Variants in HJURP observed in about 807,000 individuals in gnomAD.
HJURP encodes 14-3-3-associated AKT substrate.
Under a neutral mutation model 72.0 loss-of-function variants are expected in HJURP, and 49 were observed. The observed-to-expected ratio is 0.68, with a 90% CI of 0.54 to 0.86. HJURP has a LOEUF of 0.86. Among genes scored for constraint, HJURP ranks in the 40% least tolerant of loss-of-function variants. HJURP has a pLI of 0.00. For missense variants in HJURP, 908 were observed against 936.3 expected, an observed-to-expected ratio of 0.97 and a Z score of 0.39; for synonymous variants, 357 against 347.1, an observed-to-expected ratio of 1.03 and a Z score of -0.32.
rs983909239 is a variant in HJURP, at chr2:233,836,785, C to T, written c.*792G>A. 6.6e-6 allele frequency: 1 copy of T among 152,106 alleles called. No homozygotes were observed. The highest frequency in any genetic ancestry group is 1.5e-5 in the Non-Finnish European group (1 of 68,034). The allele number at this position is 152,106 out of a possible 1,614,324, so 9.4% of individuals were successfully genotyped here. A position where few individuals can be genotyped will look rare whatever the true frequency, so the allele number is the denominator to read the frequency against. ...GAAATATTTCATTACAAAAACGTCA[C>T]CATGATATCCTGTCATCAACAGCTT... On this transcript the variant is annotated 3_prime_UTR_variant, in exon 9 of 9. Transcript: ENST00000411486.
rs1287108530 is a variant in HJURP at position 233,841,882 on chromosome 2, T to C, written c.898A>G (p.Arg300Gly). ...MQNWNSRRRH[R>G]YKSRMNKTYC... is the part of the protein sequence containing the mutation. ...GTTTTGTTCATCCTGCTCTTATATCTGTGCCTCCTCCTGGAGTTCCAGTTT... is the reference window on the plus strand; with the variant it reads ...GTTTTGTTCATCCTGCTCTTATATCCGTGCCTCCTCCTGGAGTTCCAGTTT... Residue 300 changes from arginine (R) to glycine (G), a missense_variant, in exon 8 of 9, where the codon AGA becomes GGA. This residue lies in a region of HJURP where 598 missense variants were observed against 619.5 expected (regional missense o/e 0.97). Transcript: ENST00000411486. 1.2e-6 allele frequency: 2 copies of C among 1,614,236 alleles called. No individual in the cohort carries two copies. Among genetic ancestry groups the C allele is most frequent in the Non-Finnish European group, 1.7e-6 (2 of 1,180,032 alleles).
intron 4 of HJURP, 51 bp downstream of exon 4, chr2:233,849,712 G>C: frequency 8.3e-7 from 1 of 1,199,800 alleles, no homozygotes. Context: ...TAACAGGTGC[G>C]TCAGACCTGG....
At chr2:233,851,333 C>T (rs1432145095) in intron 3 of HJURP, among the ~76,000 whole-genome samples, 1 of 152,172 alleles carries the variant, frequency 6.6e-6, no homozygotes, top group Non-Finnish European at 1.5e-5. Flanking sequence ...CTAACAGAGG[C>T]TTTATAAATA....
rs188766054 is a variant in HJURP, at chr2:233,853,024, A to G, written c.185-404T>C. 2.0e-5 allele frequency among the ~76,000 whole-genome samples: 3 copies of G among 152,356 alleles called. No homozygotes were observed. The East Asian group carries it at 5.8e-4, about 29-fold the overall frequency. ...TTTCTAAGGGCAATCTACATGTTAT[A>G]CAGAGACCAAAGGGTAGCAGACCTG... On this transcript the variant is annotated intron_variant, in intron 2 of 8. Coordinates refer to ENST00000411486, the MANE Select transcript of HJURP (RefSeq NM_018410.5).
intron 3 of HJURP, among the ~76,000 whole-genome samples, chr2:233,850,150 T>C (rs1705465439): frequency 6.6e-6 from 1 of 152,190 alleles, no homozygotes; most frequent in African/African-American, 2.4e-5. Flanking sequence ...CTCCTAACAG[T>C]GGCCCAGGGA....
At position 233,842,266 on chromosome 2, in the gene HJURP, C is replaced by G. The variant is rs1318810634; in HGVS notation, c.575-61G>C. 2.9e-6 allele frequency: 4 copies of G among 1,392,594 alleles called. No individual in the cohort carries two copies. In the African/African-American group the frequency reaches 5.8e-5, roughly 20 times the overall value. 86.3% of individuals were successfully genotyped at this position (1,392,594 alleles called of 1,614,324 possible). A position where few individuals can be genotyped will look rare whatever the true frequency, so the allele number is the denominator to read the frequency against. Reference sequence around the variant, plus strand: ...TACCATTCTAAACCATCCATGTGCACAGATGACAGAACTTAAGATTGGATC... The same window carrying G: ...TACCATTCTAAACCATCCATGTGCAGAGATGACAGAACTTAAGATTGGATC... On this transcript the variant is annotated intron_variant, in intron 7 of 8. Coordinates refer to ENST00000411486, the MANE Select transcript of HJURP (RefSeq NM_018410.5).
chr2:233,847,427 G>T lies in HJURP; in HGVS notation c.372C>A (p.Asp124Glu). The change falls in exon 5 of 9, where the codon GAC (aspartate) becomes GAA (glutamate). Residue 124 changes from aspartate (D) to glutamate (E), a missense_variant. Around this residue, in one of 3 missense-constraint regions of HJURP, gnomAD observed 299 missense variants for 286.7 expected, o/e 1.04. Transcript: ENST00000411486. The part of the protein sequence containing the change: ...SKSGEVDATS[D>E]QEESVAWALA... ...AGGCCCAAGCAACTGACTCTTCCTG[G>T]TCTGACGTGGCATCGACCTCACCGC... 1 of 1,614,064 alleles carries T rather than the reference G, an allele frequency of 6.2e-7. No homozygotes were observed. The highest frequency in any genetic ancestry group is 8.5e-7 in the Non-Finnish European group (1 of 1,179,928).
chr2:233,846,972 C>A lies in HJURP; in HGVS notation c.402+425G>T, dbSNP rs1302550357. 6.6e-6 allele frequency among the ~76,000 whole-genome samples: 1 copy of A among 152,116 alleles called. No individual in the cohort carries two copies. On this transcript the variant is annotated intron_variant, in intron 5 of 8. Transcript: ENST00000411486. This position sits in a 1 kb window ranked among gnomAD's most constrained non-coding sequence, Gnocchi z 4.3. ...GGTTAGTGACGGCTGCCCAATGAGG[C>A]GACCTTGTGACTTGGGGCATTTGAG...
In HJURP at chr2:233,841,674, T is replaced by C. The variant is rs1261113525; in HGVS notation, c.1106A>G (p.Lys369Arg). ...GCGCTCCTTCCAACTTGGATCTAAC[T>C]TATGGATTTGGGGTCTGTTGACTTC... ...FLEVNRPQIHKLDPSWKERKV... is the reference protein window; with the variant it reads ...FLEVNRPQIHRLDPSWKERKV... The change falls in exon 8 of 9, where the codon AAG becomes AGG. Residue 369 changes from lysine (K) to arginine (R), a missense_variant. Transcript: ENST00000411486. The C allele has an allele frequency of 6.2e-7, 1 of 1,614,212 alleles. No homozygotes were observed. Among genetic ancestry groups the C allele is most frequent in the South Asian group, 1.1e-5 (1 of 91,080 alleles).
chr2:233,848,500 C>T (rs930271920), intron 4 of HJURP, among the ~76,000 whole-genome samples: 22 of 152,168 alleles, frequency 1.4e-4, no homozygotes, highest in African/African-American at 5.3e-4. Flanking sequence ...GAGGCTGGTG[C>T]TCAGCGGGGA....
chr2:233,840,524 G>T, intron 8 of HJURP, 85 bp downstream of exon 8: 1 of 1,349,774 alleles, frequency 7.4e-7, no homozygotes, highest in Non-Finnish European at 1.0e-6. Flanking sequence ...ACTAAACGTG[G>T]CGCAAAGATT....
rs1705303001 is a variant in HJURP at position 233,844,264 on chromosome 2, C to T, written c.515G>A (p.Gly172Glu). The change falls in exon 7 of 9, where the codon GGA becomes GAA. Residue 172 changes from glycine (G) to glutamate (E), a missense_variant. Around this residue, in one of 3 missense-constraint regions of HJURP, gnomAD observed 299 missense variants for 286.7 expected, o/e 1.04. Coordinates refer to ENST00000411486, the MANE Select transcript of HJURP (RefSeq NM_018410.5). The stretch of plus-strand genomic sequence containing the variant: ...CAGCGGAGTCACACGTACATCCCTT[C>T]CAGCTCTGTTACCTGCACACTGAAA... Reference protein sequence around the residue: ...EYFECAGNRAGRDVRVTPLPS... With the variant: ...EYFECAGNRAERDVRVTPLPS... The T allele has an allele frequency of 6.2e-7, 1 of 1,614,168 alleles. No homozygotes were observed. The highest frequency in any genetic ancestry group is 1.1e-5 in the South Asian group (1 of 91,082).
intron 1 of HJURP, 91 bp downstream of exon 1, chr2:233,854,293 T>A: frequency 1.1e-6 from 1 of 869,730 alleles, no homozygotes; most frequent in Non-Finnish European, 1.8e-6. Flanking sequence ...CTCCGAGTCC[T>A]CAGAGCCCCT....
At position 233,853,997 on chromosome 2, in the gene HJURP, G is replaced by C. The variant is rs112603197; in HGVS notation, c.118-87C>G. The C allele has an allele frequency of 1.6e-5, 20 of 1,231,252 alleles. No homozygotes were observed. In the African/African-American group the frequency reaches 2.7e-4, roughly 17 times the overall value. 76.3% of individuals were successfully genotyped at this position (1,231,252 alleles called of 1,614,324 possible). On this transcript the variant is annotated intron_variant, in intron 1 of 8. Coordinates refer to ENST00000411486, the MANE Select transcript of HJURP (RefSeq NM_018410.5). Reference sequence around the variant, plus strand: ...AGGAGGCGGCGCCAGCCCGTGAGAGGCCGTTAGTCTGGCCTGGGGCGCCCC... The same window carrying C: ...AGGAGGCGGCGCCAGCCCGTGAGAGCCCGTTAGTCTGGCCTGGGGCGCCCC...
Position 233,847,327 on chromosome 2 carries a change from A to G in HJURP, c.402+70T>C, listed in dbSNP as rs542272172. The G allele has an allele frequency of 1.1e-4, 136 of 1,232,052 alleles. No homozygotes were observed. In the East Asian group the frequency reaches 1.9e-3, roughly 17 times the overall value. The allele number at this position is 1,232,052 out of a possible 1,614,324, so 76.3% of individuals were successfully genotyped here. A position where few individuals can be genotyped will look rare whatever the true frequency, so the allele number is the denominator to read the frequency against. On this transcript the variant is annotated intron_variant, in intron 5 of 8. Transcript: ENST00000411486. ...GGCAGCGCTGCCCGCCTCAGGCCACATGGGCTTTGATGGACCCCTGAGCCC... is the reference window on the plus strand; with the variant it reads ...GGCAGCGCTGCCCGCCTCAGGCCACGTGGGCTTTGATGGACCCCTGAGCCC...
At chr2:233,850,120 A>G (rs933657425) in intron 3 of HJURP, among the ~76,000 whole-genome samples, 8 of 152,214 alleles carry the variant, frequency 5.3e-5, no homozygotes, top group Non-Finnish European at 1.0e-4. Context: ...GGGCCCAGGC[A>G]CGAGCAGATA....
In HJURP at chr2:233,853,834, A is replaced by T. The variant is rs626110; in HGVS notation, c.184+10T>A. ...CACCCGAATACTCAGAAGGTGGGGA[A>T]GACCCTTACCCTGTGGCGTCTCGTA... On this transcript the variant is annotated intron_variant, in intron 2 of 8. Transcript: ENST00000411486. The T allele has an allele frequency of 0.65, 1,042,354 of 1,608,370 alleles. 342,342 individuals are homozygous for T. The highest frequency in any genetic ancestry group is 0.74 in the Middle Eastern group (4,469 of 6,040).
At chr2:233,839,049 C>T (rs1705152888) in intron 8 of HJURP, among the ~76,000 whole-genome samples, 1 of 152,256 alleles carries the variant, frequency 6.6e-6, no homozygotes. Context: ...TTTCCCATCA[C>T]CTGAACACTT....
rs1443467422 is a variant in HJURP at position 233,840,506 on chromosome 2, TGA to T, written c.2171+101_2171+102del. 1.5e-5 allele frequency: 18 copies of T among 1,210,214 alleles called. No homozygotes were observed. In the East Asian group the frequency reaches 3.8e-4, roughly 26 times the overall value. 75.0% of individuals were successfully genotyped at this position (1,210,214 alleles called of 1,614,324 possible). On this transcript the variant is annotated intron_variant, in intron 8 of 8. Coordinates refer to ENST00000411486, the MANE Select transcript of HJURP (RefSeq NM_018410.5). ...ATGATCACGTATGTAAGAATTCGGCTGAGATTCACTAAACGTGGCGCAAAGAT... is the reference window on the plus strand; with the variant it reads ...ATGATCACGTATGTAAGAATTCGGCTGATTCACTAAACGTGGCGCAAAGAT...
Sources: allele counts gnomAD v4.1 joint callset (sites outside exome capture counted in the v4.1 genomes callset), GRCh38; gene constraint gnomAD v4.1.1; regional missense constraint gnomAD v4.1.1; non-coding constraint Gnocchi (gnomAD v3.1); transcripts MANE v1.5; gene names NCBI Gene and HGNC (gene_info 2026-07-23, HGNC 2026-07-21).